The following PDE4D variants were observed in gnomAD, a reference collection of about 807,000 sequenced individuals.
The protein encoded by PDE4D is phosphodiesterase 4D.
PDE4D carries 24 observed loss-of-function variants against 87.4 expected under a neutral mutation model. That is an observed-to-expected ratio of 0.27 (90% CI 0.20 to 0.39). The LOEUF is 0.39. Among genes scored for constraint, PDE4D ranks in the 10% least tolerant of loss-of-function variants. PDE4D has a pLI of 1.00. For missense variants in PDE4D, 714 were observed against 1,041.0 expected, an observed-to-expected ratio of 0.69 and a Z score of 4.32; for synonymous variants, 384 against 383.2, an observed-to-expected ratio of 1.00 and a Z score of -0.02.
At chr5:59,271,975 T>G (rs1269728283) in intron 1 of PDE4D, among the ~76,000 whole-genome samples, 1 of 151,850 alleles carries the variant, frequency 6.6e-6, no homozygotes, top group African/African-American at 2.4e-5. Flanking sequence ...CTTCCAGAAT[T>G]TTTTCTGCAT....
At chr5:60,264,361 A>G (rs1749959932) in intron 1 of PDE4D, among the ~76,000 whole-genome samples, 4 of 152,236 alleles carry the variant, frequency 2.6e-5, no homozygotes, top group African/African-American at 9.6e-5. Flanking sequence ...ATTTGACTGC[A>G]ATACAAACAG....
chr5:59,524,415 C>T (rs1370236937), intron 1 of PDE4D, among the ~76,000 whole-genome samples: 1 of 152,116 alleles, frequency 6.6e-6, no homozygotes, highest in Non-Finnish European at 1.5e-5. Flanking sequence ...AGGCTGGTGG[C>T]ATTTTGTCCC....
chr5:59,821,472 T>A (rs985229276), intron 1 of PDE4D, among the ~76,000 whole-genome samples: 2 of 152,222 alleles, frequency 1.3e-5, no homozygotes, highest in Non-Finnish European at 2.9e-5. Flanking sequence ...ACTGTCTATT[T>A]CATTTACTAA....
rs545637374 is a variant in PDE4D at position 59,088,091 on chromosome 5, C to A, written c.809-49120G>T. Among the ~76,000 whole-genome samples, 4 of 151,994 alleles carry A rather than the reference C, an allele frequency of 2.6e-5. No individual in the cohort carries two copies. In the East Asian group the frequency reaches 7.7e-4, roughly 29 times the overall value. ...ACATGTTTGTTAAATAGATGGATGA[C>A]CTTTATTTATATTTATCTTTCCCTT... is the stretch of plus-strand genomic sequence containing the variant. On this transcript the variant is annotated intron_variant, in intron 5 of 14. Transcript: ENST00000340635.
intron 1 of PDE4D, among the ~76,000 whole-genome samples, chr5:60,189,196 A>G (rs1297668382): frequency 6.6e-6 from 1 of 152,236 alleles, no homozygotes; most frequent in East Asian, 1.9e-4. Flanking sequence ...TTTAGAAATA[A>G]AAATGAATAG....
At chr5:59,661,386 G>A (rs1745233187) in intron 1 of PDE4D, among the ~76,000 whole-genome samples, 1 of 152,034 alleles carries the variant, frequency 6.6e-6, no homozygotes, top group South Asian at 2.1e-4. Context: ...TCATTAGGAT[G>A]CTAATTTACA....
intron 1 of PDE4D, among the ~76,000 whole-genome samples, chr5:59,631,847 C>CAGG (rs140438836): frequency 0.78 from 118,969 of 151,616 alleles, 46,722 homozygotes; most frequent in South Asian, 0.91. Context: ...GAGCTAGCTG[C>CAGG]AGTTTTTTTT....
intron 1 of PDE4D, among the ~76,000 whole-genome samples, chr5:59,467,605 C>T (rs928118273): frequency 6.6e-6 from 1 of 152,146 alleles, no homozygotes; most frequent in Non-Finnish European, 1.5e-5. Flanking sequence ...CTGAAGTTAA[C>T]AGAAACATAC....
chr5:60,430,224 G>A (rs558919185), intron 1 of PDE4D: 94 of 519,590 alleles, frequency 1.8e-4, no homozygotes, highest in South Asian at 1.2e-3. Context: ...TCACCATCTC[G>A]TTGATGGCGA....
At chr5:60,234,739 G>T (rs1462934472) in intron 1 of PDE4D, among the ~76,000 whole-genome samples, 1 of 151,772 alleles carries the variant, frequency 6.6e-6, no homozygotes, top group Non-Finnish European at 1.5e-5. Flanking sequence ...AGGTCTATTT[G>T]GAATTTCTAC....
At chr5:59,635,394 C>A (rs1406146640) in intron 1 of PDE4D, among the ~76,000 whole-genome samples, 1 of 152,144 alleles carries the variant, frequency 6.6e-6, no homozygotes, top group African/African-American at 2.4e-5. Context: ...TTTATGAGGC[C>A]AGCATCATCC....
At chr5:59,427,292 TACACACACACACACAC>T (rs60646746) in intron 1 of PDE4D, among the ~76,000 whole-genome samples, 86 of 132,358 alleles carry the variant, frequency 6.5e-4, no homozygotes, top group South Asian at 2.1e-3. Flanking sequence ...AGTGATTTTA[TACACACACACACACAC>T]ACACACACAC....
At position 59,370,674 on chromosome 5, in the gene PDE4D, C is replaced by T. The variant is rs145475600; in HGVS notation, c.456-154706G>A. Among the ~76,000 whole-genome samples, 12 of 152,166 alleles carry T rather than the reference C, an allele frequency of 7.9e-5. No individual in the cohort carries two copies. The East Asian group carries it at 2.3e-3, about 29-fold the overall frequency. On this transcript the variant is annotated intron_variant, in intron 1 of 14. Coordinates refer to ENST00000340635, the MANE Select transcript of PDE4D (RefSeq NM_001104631.2). ...CATATATTTTGTACTATCCTCCCCA[C>T]AAAAAATTAAATTCTTTCAGAGGAG...
chr5:60,106,933 A>G (rs1448861695), intron 2 of PDE4D, among the ~76,000 whole-genome samples: 593 of 151,848 alleles, frequency 3.9e-3, no homozygotes, highest in African/African-American at 0.014. Context: ...ACACCCTAAC[A>G]TCACAATTAA....
intron 2 of PDE4D, among the ~76,000 whole-genome samples, chr5:60,069,548 T>A (rs1205645260): frequency 6.6e-6 from 1 of 152,190 alleles, no homozygotes. Flanking sequence ...GGTCTATATG[T>A]CTGTTTTAAT....
At chr5:59,075,330 A>T (rs1357956037) in intron 5 of PDE4D, among the ~76,000 whole-genome samples, 1 of 152,186 alleles carries the variant, frequency 6.6e-6, no homozygotes, top group East Asian at 1.9e-4. Context: ...ATTATATGGA[A>T]CTTCTCCTTT....
intron 1 of PDE4D, among the ~76,000 whole-genome samples, chr5:59,254,943 C>T (rs1760686873): frequency 6.6e-6 from 1 of 152,130 alleles, no homozygotes; most frequent in African/African-American, 2.4e-5. Flanking sequence ...AATAATGATG[C>T]AGCCATTCAA....
intron 1 of PDE4D, among the ~76,000 whole-genome samples, chr5:60,198,371 C>G (rs777715799): frequency 6.6e-6 from 1 of 151,314 alleles, no homozygotes; most frequent in Non-Finnish European, 1.5e-5. Flanking sequence ...GATGAAGAGA[C>G]AAAACTAATC....
intron 1 of PDE4D, among the ~76,000 whole-genome samples, chr5:59,697,425 G>T (rs540209461): frequency 1.3e-5 from 2 of 152,290 alleles, no homozygotes; most frequent in South Asian, 2.1e-4. Flanking sequence ...GCAAGTGTGT[G>T]GGGGTGGGAG....
Sources: gnomAD v4.1 joint callset for allele counts (sites outside exome capture counted in the v4.1 genomes callset) on GRCh38, gnomAD v4.1.1 for gene constraint, MANE v1.5 for transcripts, NCBI Gene and HGNC (gene_info 2026-07-23, HGNC 2026-07-21) for gene names.